The following SERGEF variants were observed in gnomAD, a reference collection of about 807,000 sequenced individuals.
The protein encoded by SERGEF is secretion regulating guanine nucleotide exchange factor.
A neutral mutation model predicts 50.0 loss-of-function variants in SERGEF; 51 were observed. The observed-to-expected ratio is 1.02, with a 90% CI of 0.81 to 1.29. The LOEUF (loss-of-function observed/expected upper bound fraction) is 1.29. Ranked by LOEUF, SERGEF falls within the 50% of genes most tolerant of loss-of-function variation. The probability of loss-of-function intolerance (pLI) is 0.00; values close to 1 mark genes in which losing one functional copy is unlikely to be tolerated. For missense variants in SERGEF, 521 were observed against 557.0 expected (o/e 0.94, Z 0.65); for synonymous variants, 205 against 212.4 (o/e 0.97, Z 0.30).
chr11:17,975,364 A>G (rs529494274), intron 8 of SERGEF, among the ~76,000 whole-genome samples: 1 of 152,216 alleles, frequency 6.6e-6, no homozygotes, highest in Admixed American at 6.5e-5. Context: ...CCCCTTCCTC[A>G]CACACCTCCA....
chr11:17,909,873 C>A (rs1851916726), intron 9 of SERGEF, among the ~76,000 whole-genome samples: 1 of 152,208 alleles, frequency 6.6e-6, no homozygotes, highest in Admixed American at 6.5e-5. Context: ...AGCTGGAAAG[C>A]AGAGGACCAG....
intron 8 of SERGEF, 113 bp from the exon 9 acceptor site, chr11:17,959,749 G>T (rs1486762246): frequency 2.2e-6 from 2 of 895,808 alleles, no homozygotes; most frequent in Non-Finnish European, 3.3e-6. Context: ...CCTACCAGGA[G>T]CCTTCCTATC....
chr11:17,951,077 T>G (rs1360754297), intron 9 of SERGEF, among the ~76,000 whole-genome samples: 1 of 152,196 alleles, frequency 6.6e-6, no homozygotes, highest in African/African-American at 2.4e-5. Context: ...CTCCACTATC[T>G]TCACTGGTTC....
chr11:17,912,455 T>C (rs528145640), intron 9 of SERGEF, among the ~76,000 whole-genome samples: 17 of 152,342 alleles, frequency 1.1e-4, no homozygotes, highest in African/African-American at 3.8e-4. Flanking sequence ...CATAAGATTC[T>C]ATCATTGAGG....
In SERGEF at chr11:17,788,341, G is replaced by A. The variant is rs745430021; in HGVS notation, c.1121C>T (p.Ala374Val). 6.2e-7 allele frequency: 1 copy of A among 1,614,142 alleles called. No individual in the cohort carries two copies. Among genetic ancestry groups the A allele is most frequent in the Admixed American group, 1.7e-5 (1 of 60,026 alleles). Residue 374 changes from alanine to valine, a missense_variant, in exon 11 of 11, where the codon GCC becomes GTC. Ala to Val is a moderately conservative substitution (Grantham distance 64). Transcript: ENST00000265965. Reference sequence around the variant, plus strand: ...CAGCAGAGCCTGCACCGGCTTTGGGGCCCAGACGTTGGCTTCAGTGCCATC... The same window carrying A: ...CAGCAGAGCCTGCACCGGCTTTGGGACCCAGACGTTGGCTTCAGTGCCATC... ...CGDGTEANVW[A>V]PKPVQALLSS...
chr11:17,982,820 T>A (rs995115400), intron 8 of SERGEF, among the ~76,000 whole-genome samples: 10 of 152,106 alleles, frequency 6.6e-5, no homozygotes, highest in Non-Finnish European at 1.5e-4. Context: ...ACAATTCCCC[T>A]CTTTAGGAAA....
intron 8 of SERGEF, among the ~76,000 whole-genome samples, chr11:17,970,118 C>T (rs576996980): frequency 2.0e-5 from 3 of 152,168 alleles, no homozygotes; most frequent in Non-Finnish European, 4.4e-5. Context: ...CAGATAACTG[C>T]GGTTTTTGTT....
chr11:17,873,465 C>CA (rs536986204), intron 10 of SERGEF, among the ~76,000 whole-genome samples: 2 of 151,714 alleles, frequency 1.3e-5, no homozygotes, highest in Non-Finnish European at 2.9e-5. Context: ...TATCCAGTGC[C>CA]AAAAAAAGAG....
chr11:17,984,519 G>A (rs1853556646), intron 8 of SERGEF, among the ~76,000 whole-genome samples: 1 of 152,114 alleles, frequency 6.6e-6, no homozygotes, highest in South Asian at 2.1e-4. Context: ...CTCCCATCAG[G>A]CCCCACCTCC....
chr11:17,927,225 T>C (rs905697143), intron 9 of SERGEF, among the ~76,000 whole-genome samples: 25 of 152,200 alleles, frequency 1.6e-4, no homozygotes, highest in African/African-American at 6.0e-4. Flanking sequence ...CTGGCAATTT[T>C]TGGCACCACC....
intron 9 of SERGEF, among the ~76,000 whole-genome samples, chr11:17,891,453 G>A (rs996248149): frequency 5.3e-5 from 8 of 152,072 alleles, no homozygotes; most frequent in South Asian, 2.1e-4. Context: ...TGGTCAGTTC[G>A]GGACTCTCTC....
intron 9 of SERGEF, among the ~76,000 whole-genome samples, chr11:17,940,417 C>T (rs1291356264): frequency 1.3e-5 from 2 of 152,052 alleles, no homozygotes; most frequent in Non-Finnish European, 2.9e-5. Context: ...CACCGCCCAC[C>T]CAACTGTAAA....
chr11:17,905,834 A>C (rs1412679392), intron 9 of SERGEF, among the ~76,000 whole-genome samples: 1 of 152,116 alleles, frequency 6.6e-6, no homozygotes, highest in Non-Finnish European at 1.5e-5. Context: ...AAAATAAATA[A>C]ATAAATAAAT....
intron 9 of SERGEF, among the ~76,000 whole-genome samples, chr11:17,895,643 A>G (rs1041925606): frequency 6.6e-6 from 1 of 152,214 alleles, no homozygotes; most frequent in African/African-American, 2.4e-5. Flanking sequence ...ATACATATAC[A>G]TATACATAAT....
chr11:17,937,215 C>T (rs1433087027), intron 9 of SERGEF, among the ~76,000 whole-genome samples: 2 of 151,832 alleles, frequency 1.3e-5, no homozygotes, highest in African/African-American at 2.4e-5. Flanking sequence ...TTAAAAAATA[C>T]GTGTAGAAAA....
chr11:18,010,070 C>G (rs982733745), intron 1 of SERGEF: 1 of 1,169,164 alleles, frequency 8.6e-7, no homozygotes, highest in Non-Finnish European at 1.1e-6. Flanking sequence ...TATTCAAGTA[C>G]CTACTCCTAG....
chr11:17,886,422 C>T (rs1300765293), intron 9 of SERGEF, among the ~76,000 whole-genome samples: 2 of 152,006 alleles, frequency 1.3e-5, no homozygotes, highest in Non-Finnish European at 2.9e-5. Context: ...CCAGCCTGGG[C>T]AACATGGCGA....
intron 9 of SERGEF, among the ~76,000 whole-genome samples, chr11:17,913,495 G>C (rs1472968132): frequency 2.0e-5 from 3 of 152,190 alleles, no homozygotes; most frequent in Non-Finnish European, 2.9e-5. Flanking sequence ...CATGGTGCTG[G>C]AATTAGCTAG....
At chr11:17,904,484 G>C (rs1851803402) in intron 9 of SERGEF, among the ~76,000 whole-genome samples, 1 of 152,252 alleles carries the variant, frequency 6.6e-6, no homozygotes, top group South Asian at 2.1e-4. Flanking sequence ...GTTCTAGGAA[G>C]AGAGGTGACT....
Sources: allele counts gnomAD v4.1 joint callset (sites outside exome capture counted in the v4.1 genomes callset), GRCh38; gene constraint gnomAD v4.1.1; transcripts MANE v1.5; gene names NCBI Gene and HGNC (gene_info 2026-07-23, HGNC 2026-07-21).